Variants in OTUD7A observed in about 807,000 individuals in gnomAD.
The protein encoded by OTUD7A is OTU domain-containing protein 7A.
Under a neutral mutation model 65.7 loss-of-function variants are expected in OTUD7A, and 12 were observed. The observed-to-expected ratio is 0.18, with a 90% confidence interval of 0.12 to 0.30. The LOEUF is 0.30. Among genes scored for constraint, OTUD7A ranks in the 10% least tolerant of loss-of-function variants. The pLI is 1.00. For missense variants in OTUD7A, 1,148 were observed against 1,304.8 expected (o/e 0.88, Z 1.85); for synonymous variants, 641 against 586.3 (o/e 1.09, Z -1.35).
chr15:31,589,491 C>T (rs1317363684), intron 3 of OTUD7A, among the ~76,000 whole-genome samples: 5 of 112,696 alleles, frequency 4.4e-5, no homozygotes, highest in South Asian at 2.5e-4. Flanking sequence ...TCTGTAGAGA[C>T]GGGGTTTTGC....
chr15:31,764,808 T>G (rs1393134939), intron 1 of OTUD7A, among the ~76,000 whole-genome samples: 1 of 152,036 alleles, frequency 6.6e-6, no homozygotes, highest in Non-Finnish European at 1.5e-5. Context: ...CTCGGGTGAG[T>G]CTAACGTGCA....
At chr15:31,809,418 C>T (rs935819602) in intron 1 of OTUD7A, among the ~76,000 whole-genome samples, 1 of 152,190 alleles carries the variant, frequency 6.6e-6, no homozygotes, top group African/African-American at 2.4e-5. Flanking sequence ...ATATAGACTA[C>T]TGTAAGACAA....
intron 8 of OTUD7A, among the ~76,000 whole-genome samples, chr15:31,511,093 CATATGTATATCTATATGTAACATACAT>C (rs2041716801): frequency 6.6e-5 from 1 of 15,078 alleles, no homozygotes; most frequent in Non-Finnish European, 1.1e-4. Flanking sequence ...ATGTAACATA[CATATGTATATCTATATGTAACATACAT>C]ATGTATATCT....
intron 3 of OTUD7A, among the ~76,000 whole-genome samples, chr15:31,627,020 C>T (rs1452852409): frequency 4.6e-5 from 7 of 151,622 alleles, no homozygotes; most frequent in Non-Finnish European, 1.0e-4. Flanking sequence ...GGGGTCTCTC[C>T]TCCACGTTGA....
chr15:31,693,246 CT>C (rs71103454), intron 1 of OTUD7A, among the ~76,000 whole-genome samples: 30 of 152,198 alleles, frequency 2.0e-4, no homozygotes, highest in African/African-American at 6.5e-4. Flanking sequence ...AGGAGAGTCT[CT>C]TTTTTTTGTA....
At chr15:31,548,489 G>A (rs373146555) in intron 5 of OTUD7A, among the ~76,000 whole-genome samples, 1 of 152,160 alleles carries the variant, frequency 6.6e-6, no homozygotes, top group African/African-American at 2.4e-5. Flanking sequence ...GAACTGAGGA[G>A]GTCTCGTGGC....
intron 1 of OTUD7A, among the ~76,000 whole-genome samples, chr15:31,657,420 G>C (rs993053959): frequency 4.6e-5 from 7 of 151,484 alleles, no homozygotes; most frequent in African/African-American, 1.5e-4. Flanking sequence ...GCAGTGGCGC[G>C]ATCTCGGCTC....
chr15:31,527,533 T>C (rs991370520), intron 6 of OTUD7A, among the ~76,000 whole-genome samples: 7 of 152,204 alleles, frequency 4.6e-5, no homozygotes, highest in Non-Finnish European at 1.0e-4. Flanking sequence ...AGCAAAACAA[T>C]AGTGGGTGAA....
intron 10 of OTUD7A, among the ~76,000 whole-genome samples, chr15:31,490,240 T>C (rs1424337960): frequency 6.6e-6 from 1 of 152,226 alleles, no homozygotes; most frequent in Non-Finnish European, 1.5e-5. Context: ...GGTAAATGTC[T>C]AGAACAGCAA....
At chr15:31,575,545 C>T (rs1171360564) in intron 3 of OTUD7A, among the ~76,000 whole-genome samples, 1 of 152,160 alleles carries the variant, frequency 6.6e-6, no homozygotes, top group Non-Finnish European at 1.5e-5. Context: ...CATAACAACA[C>T]AGGTTTACTT....
chr15:31,659,065 A>ACG (rs1892081591), intron 1 of OTUD7A, among the ~76,000 whole-genome samples: 10 of 146,354 alleles, frequency 6.8e-5, no homozygotes, highest in Admixed American at 2.7e-4. Flanking sequence ...ATAAATAAAT[A>ACG]AATAAATAAA....
chr15:31,484,557 GTCCTTCTCCTTGCGCTGCTTC>G lies in OTUD7A; in HGVS notation c.1518_1538del (p.Glu506_Lys512del), dbSNP rs753711730. 46 of 1,611,510 alleles carry G rather than the reference GTCCTTCTCCTTGCGCTGCTTC, an allele frequency of 2.9e-5. No homozygotes were observed. Among genetic ancestry groups the G allele is most frequent in the Non-Finnish European group, 3.4e-6 (4 of 1,179,918 alleles). ...TGGCCACGGAGTCGGCGCGCGTCTT[GTCCTTCTCCTTGCGCTGCTTC>G]TCCTTCTCCTTGTCCTTGCCGTTCT... On this transcript the variant is annotated inframe_deletion, in exon 13 of 13. Transcript: ENST00000307050. The surrounding 1 kb of genome is among the most constrained non-coding windows in gnomAD (Gnocchi z 4.5).
rs1173561038 is a variant in OTUD7A, at chr15:31,477,077, TACCCGGGG to T, written c.*6209_*6216del. 4.6e-5 allele frequency: 7 copies of T among 152,482 alleles called. No individual in the cohort carries two copies. Among genetic ancestry groups the T allele is most frequent in the Non-Finnish European group, 1.0e-4 (7 of 68,240 alleles). The allele number at this position is 152,482 out of a possible 1,614,324, so 9.4% of individuals were successfully genotyped here. On this transcript the variant is annotated 3_prime_UTR_variant, in exon 13 of 13. Coordinates refer to ENST00000307050, the MANE Select transcript of OTUD7A (RefSeq NM_001382637.1). ...CACCTCCACCAGTGGCCAATGGGGA[TACCCGGGG>T]GCCTTGGCTCTCTGGCCCTGCTGCT...
chr15:31,719,073 G>T, intron 1 of OTUD7A, among the ~76,000 whole-genome samples: 1 of 152,020 alleles, frequency 6.6e-6, no homozygotes, highest in African/African-American at 2.4e-5. Flanking sequence ...ATTCATGAAA[G>T]TTCTGGCATT....
At chr15:31,527,105 T>C (rs2042025209) in intron 7 of OTUD7A, 76 bp downstream of exon 7, 12 of 1,577,804 alleles carry the variant, frequency 7.6e-6, no homozygotes, top group South Asian at 6.9e-5. Context: ...CTGGAGGCCA[T>C]GCTGTGGACT....
chr15:31,630,826 C>CT (rs940846055), intron 3 of OTUD7A, among the ~76,000 whole-genome samples: 4 of 152,262 alleles, frequency 2.6e-5, no homozygotes, highest in Admixed American at 6.5e-5. Context: ...GAATTGATCC[C>CT]TTTACCATTA....
At chr15:31,727,670 C>G in intron 1 of OTUD7A, among the ~76,000 whole-genome samples, 1 of 152,174 alleles carries the variant, frequency 6.6e-6, no homozygotes, top group Non-Finnish European at 1.5e-5. Context: ...CAAGACTATT[C>G]TTGCTAAGAT....
At chr15:31,633,635 C>T (rs1339327040) in intron 3 of OTUD7A, among the ~76,000 whole-genome samples, 1 of 152,152 alleles carries the variant, frequency 6.6e-6, no homozygotes. Flanking sequence ...ACCCTGCAGA[C>T]CCTCACACCC....
chr15:31,526,286 T>G, intron 8 of OTUD7A, 63 bp downstream of exon 8: 6 of 1,420,066 alleles, frequency 4.2e-6, no homozygotes, highest in East Asian at 2.6e-5. Context: ...CCCCATGCTG[T>G]GTGTAGCCCT....
Sources: allele counts gnomAD v4.1 joint callset (sites outside exome capture counted in the v4.1 genomes callset), GRCh38; gene constraint gnomAD v4.1.1; non-coding constraint Gnocchi (gnomAD v3.1); transcripts MANE v1.5; gene names NCBI Gene and HGNC (gene_info 2026-07-23, HGNC 2026-07-21).